The following FN1 variants were observed in gnomAD, a reference collection of about 807,000 sequenced individuals.
The protein encoded by FN1 is fibronectin 1, also known as fibronectin.
A neutral mutation model predicts 297.3 loss-of-function variants in FN1; 106 were observed. The ratio of observed to expected loss-of-function variants is 0.36; its 90% confidence interval spans 0.30 to 0.42. The LOEUF (loss-of-function observed/expected upper bound fraction) is 0.42. Ranked by LOEUF, FN1 falls within the 10% of genes least tolerant of loss-of-function variation. The pLI is 1.00. For synonymous variants in FN1, 1,149 were observed against 1,152.6 expected, an observed-to-expected ratio of 1.00 and a Z score of 0.06; for missense variants, 2,690 against 3,124.9, an observed-to-expected ratio of 0.86 and a Z score of 3.32.
chr2:215,421,542 C>T (rs1451940342), intron 10 of FN1, among the ~76,000 whole-genome samples: 1 of 152,156 alleles, frequency 6.6e-6, no homozygotes, highest in African/African-American at 2.4e-5. Context: ...ATTAATAGCT[C>T]AGGGTTCTCC....
Position 215,379,118 on chromosome 2 carries a change from G to T in FN1, c.5622+12C>A, listed in dbSNP as rs200539164. On this transcript the variant is annotated intron_variant, in intron 34 of 45. Coordinates refer to ENST00000354785, the MANE Select transcript of FN1 (RefSeq NM_212482.4). Reference sequence around the variant, plus strand: ...TCCATCTTTATTCCAATGAACAACGGTCATGTCTTACCATAAGTCCTGATA... The same window carrying T: ...TCCATCTTTATTCCAATGAACAACGTTCATGTCTTACCATAAGTCCTGATA... 6.2e-7 allele frequency: 1 copy of T among 1,612,148 alleles called. No individual in the cohort carries two copies. Among genetic ancestry groups the T allele is most frequent in the South Asian group, 1.1e-5 (1 of 91,038 alleles).
rs1303800663 is a variant in FN1 at position 215,386,699 on chromosome 2, T to C, written c.4602A>G (p.Gln1534=). ...GREESPLLIG[Q]QSTVSDVPRD... Reference sequence around the variant, plus strand: ...GACAAGAAAAGTTACCTGTTGATTGTTGGCCAATCAATAAGGGACTTTCCT... The same window carrying C: ...GACAAGAAAAGTTACCTGTTGATTGCTGGCCAATCAATAAGGGACTTTCCT... The change falls in exon 28 of 46, where the codon CAA becomes CAG. Residue 1534 remains glutamine (Q), a synonymous_variant. Transcript: ENST00000354785. 3.1e-6 allele frequency: 5 copies of C among 1,613,468 alleles called. No homozygotes were observed. The highest frequency in any genetic ancestry group is 4.2e-6 in the Non-Finnish European group (5 of 1,179,874).
At chr2:215,386,235 C>A (rs992907373) in intron 28 of FN1, among the ~76,000 whole-genome samples, 3 of 151,326 alleles carry the variant, frequency 2.0e-5, no homozygotes, top group African/African-American at 7.3e-5. Flanking sequence ...TGCCACCACA[C>A]CTTGCTAATT....
At chr2:215,365,473 T>TAATTA in intron 43 of FN1, 32 bp downstream of exon 43, 1 of 1,610,018 alleles carries the variant, frequency 6.2e-7, no homozygotes, top group Non-Finnish European at 8.5e-7. Flanking sequence ...GAATGCTTAA[T>TAATTA]AAGGCACTAA....
chr2:215,433,076 ACACACACACTCATAAATG>A (rs1320390836), intron 3 of FN1, among the ~76,000 whole-genome samples: 2 of 152,078 alleles, frequency 1.3e-5, no homozygotes, highest in Admixed American at 1.3e-4. Context: ...ATGTACAGAA[ACACACACACTCATAAATG>A]CACACACACT....
At chr2:215,421,496 A>G (rs2064346546) in intron 10 of FN1, among the ~76,000 whole-genome samples, 1 of 152,200 alleles carries the variant, frequency 6.6e-6, no homozygotes, top group Non-Finnish European at 1.5e-5. Context: ...AGGAGAACAA[A>G]TTCAGACCAA....
chr2:215,415,468 G>GAAT (rs1447080024), intron 12 of FN1, among the ~76,000 whole-genome samples: 1 of 152,132 alleles, frequency 6.6e-6, no homozygotes, highest in African/African-American at 2.4e-5. Flanking sequence ...AATGGGGGTA[G>GAAT]AATCTTAGAC....
At chr2:215,365,920 C>T (rs2054484205) in intron 42 of FN1, among the ~76,000 whole-genome samples, 1 of 150,344 alleles carries the variant, frequency 6.7e-6, no homozygotes, top group Non-Finnish European at 1.5e-5. Flanking sequence ...GTTATCCTGC[C>T]TCAGCCTCCT....
chr2:215,392,584 G>A (rs2059827150), intron 25 of FN1: 1 of 328,826 alleles, frequency 3.0e-6, no homozygotes, highest in Admixed American at 4.4e-5. Flanking sequence ...ATAATTAATT[G>A]GTACTTACGC....
intron 15 of FN1, 50 bp downstream of exon 15, chr2:215,409,513 G>C: frequency 6.3e-7 from 1 of 1,588,550 alleles, no homozygotes; most frequent in Non-Finnish European, 8.6e-7. Context: ...CACAAGGAGA[G>C]TTTTCCAGCA....
chr2:215,371,133 T>C (rs1416173942), intron 40 of FN1, among the ~76,000 whole-genome samples: 3 of 152,060 alleles, frequency 2.0e-5, no homozygotes, highest in African/African-American at 7.2e-5. Flanking sequence ...CTGGGTGCGG[T>C]GGCACATGCC....
At chr2:215,410,980 C>G (rs1283786387) in intron 13 of FN1, among the ~76,000 whole-genome samples, 1 of 152,186 alleles carries the variant, frequency 6.6e-6, no homozygotes, top group Non-Finnish European at 1.5e-5. Context: ...GGATACAATT[C>G]AAGTTTCTTG....
chr2:215,386,738 A>T lies in FN1; in HGVS notation c.4563T>A (p.Ala1521=). The part of the protein sequence containing the change: ...PGTEYVVSIV[A]LNGREESPLL... ...AGGGACTTTCCTCTCTGCCATTAAG[A>T]GCAACGATGCTGACCACATACTCTG... The change falls in exon 28 of 46, where the codon GCT becomes GCA. Residue 1521 remains alanine (A), a synonymous_variant. Coordinates refer to ENST00000354785, the MANE Select transcript of FN1 (RefSeq NM_212482.4). The T allele has an allele frequency of 1.2e-6, 2 of 1,614,032 alleles. No individual in the cohort carries two copies. The highest frequency in any genetic ancestry group is 1.7e-6 in the Non-Finnish European group (2 of 1,180,000).
chr2:215,412,538 G>A (rs2062806256), intron 13 of FN1, among the ~76,000 whole-genome samples: 1 of 152,094 alleles, frequency 6.6e-6, no homozygotes, highest in African/African-American at 2.4e-5. Flanking sequence ...TCAAGCTCAA[G>A]CGATCCTTCC....
At chr2:215,434,485 C>A (rs2067106109) in intron 2 of FN1, among the ~76,000 whole-genome samples, 1 of 151,978 alleles carries the variant, frequency 6.6e-6, no homozygotes, top group Non-Finnish European at 1.5e-5. Context: ...AAAAAGAAGA[C>A]TCTAGGAACT....
At position 215,375,644 on chromosome 2, in the gene FN1, T is replaced by C; in HGVS notation, c.5962A>G (p.Ile1988Val). The part of the protein sequence containing the change: ...NDNARSSPVV[I>V]DASTAIDAPS... The stretch of plus-strand genomic sequence containing the variant: ...GTATAGTTACCAGTGGAGGCGTCGA[T>C]GACCACAGGGGAGCTCCGAGCATTG... The change falls in exon 37 of 46, where the codon ATC becomes GTC. Residue 1988 changes from isoleucine to valine, a missense_variant. Ile to Val is a conservative substitution (Grantham distance 29). Around this residue, in one of 3 missense-constraint regions of FN1, gnomAD observed 1,743 missense variants for 1,945.2 expected, o/e 0.90. Coordinates refer to ENST00000354785, the MANE Select transcript of FN1 (RefSeq NM_212482.4). The C allele has an allele frequency of 6.2e-7, 1 of 1,611,888 alleles. No homozygotes were observed. Among genetic ancestry groups the C allele is most frequent in the African/African-American group, 1.3e-5 (1 of 74,994 alleles).
chr2:215,417,036 A>T (rs1196024366), intron 12 of FN1, among the ~76,000 whole-genome samples: 2 of 152,214 alleles, frequency 1.3e-5, no homozygotes, highest in African/African-American at 4.8e-5. Flanking sequence ...TATTTCTTAG[A>T]TCAATTAAAT....
chr2:215,386,989 A>C, intron 27 of FN1, 31 bp from the exon 28 acceptor site: 1 of 1,585,274 alleles, frequency 6.3e-7, no homozygotes, highest in Non-Finnish European at 8.6e-7. Flanking sequence ...AGGAAGAGAA[A>C]AAAAAAAGAA....
chr2:215,376,440 C>T (rs1340475769), intron 36 of FN1, 58 bp downstream of exon 36: 4 of 1,467,032 alleles, frequency 2.7e-6, no homozygotes, highest in Non-Finnish European at 3.8e-6. Context: ...AGTTAATAAG[C>T]CCGTTTACAT....
Sources: gnomAD v4.1 joint callset for allele counts (sites outside exome capture counted in the v4.1 genomes callset) on GRCh38, gnomAD v4.1.1 for gene constraint, gnomAD v4.1.1 regional missense constraint, MANE v1.5 for transcripts, NCBI Gene and HGNC (gene_info 2026-07-23, HGNC 2026-07-21) for gene names.